SBF2: variants seen among roughly 807,000 people sequenced by gnomAD.
The protein encoded by SBF2 is myotubularin-related protein 13.
SBF2 carries 112 observed loss-of-function variants against 225.2 expected under a neutral mutation model. That is an observed-to-expected ratio of 0.50 (90% confidence interval 0.43 to 0.58). The LOEUF is 0.58. SBF2 is among the 20% of genes least tolerant of loss of function. SBF2 has a pLI of 0.00. For synonymous variants in SBF2, 763 were observed against 773.3 expected, an observed-to-expected ratio of 0.99 and a Z score of 0.22; for missense variants, 1,996 against 2,206.2, an observed-to-expected ratio of 0.90 and a Z score of 1.91.
At chr11:9,814,789 G>T (rs1253799995) in intron 29 of SBF2, among the ~76,000 whole-genome samples, 1 of 152,196 alleles carries the variant, frequency 6.6e-6, no homozygotes, top group African/African-American at 2.4e-5. Flanking sequence ...AGCTAGGTAT[G>T]CTTATCTTAT....
chr11:10,189,810 G>A (rs889052804), intron 2 of SBF2, among the ~76,000 whole-genome samples: 2 of 152,110 alleles, frequency 1.3e-5, no homozygotes, highest in Non-Finnish European at 2.9e-5. Context: ...CATATTTTCT[G>A]AATAATGATA....
chr11:10,177,982 T>C lies in SBF2; in HGVS notation c.141+15920A>G, dbSNP rs531867930. Among the ~76,000 whole-genome samples, 166 of 148,096 alleles carry C rather than the reference T, an allele frequency of 1.1e-3. 5 individuals carry two copies. In the South Asian group the frequency reaches 0.034, roughly 31 times the overall value. On this transcript the variant is annotated intron_variant, in intron 2 of 39. Transcript: ENST00000256190. ...AGTAACCAAAACAGCATGGTACTGG[T>C]ACCAAAACAGAGATATAGATCAATG... is the stretch of plus-strand genomic sequence containing the variant.
intron 2 of SBF2, among the ~76,000 whole-genome samples, chr11:10,162,895 C>G (rs1429037056): frequency 1.3e-5 from 2 of 152,146 alleles, no homozygotes; most frequent in African/African-American, 4.8e-5. Flanking sequence ...CTCAGACTGT[C>G]CCTTTCATCT....
chr11:9,932,104 G>C (rs1056792331), intron 16 of SBF2, among the ~76,000 whole-genome samples: 1 of 152,118 alleles, frequency 6.6e-6, no homozygotes, highest in Non-Finnish European at 1.5e-5. Context: ...AGCAACAAAC[G>C]AAGCCTCCAA....
intron 17 of SBF2, among the ~76,000 whole-genome samples, chr11:9,871,685 G>A (rs923446775): frequency 6.6e-6 from 1 of 151,932 alleles, no homozygotes; most frequent in Admixed American, 6.6e-5. Context: ...TTGAGACGGG[G>A]TTTCACCGTG....
intron 2 of SBF2, among the ~76,000 whole-genome samples, chr11:10,097,792 G>A (rs539900477): frequency 5.4e-4 from 82 of 152,246 alleles, no homozygotes; most frequent in Middle Eastern, 3.4e-3. Flanking sequence ...ACAGCCCAGT[G>A]CCAAGAGAGA....
chr11:9,871,702 A>G (rs1858768438), intron 17 of SBF2, among the ~76,000 whole-genome samples: 1 of 152,052 alleles, frequency 6.6e-6, no homozygotes, highest in East Asian at 1.9e-4. Context: ...CGTGTTAGCC[A>G]GGATTGTCTT....
At chr11:9,900,812 C>T (rs550044408) in intron 16 of SBF2, among the ~76,000 whole-genome samples, 1 of 152,306 alleles carries the variant, frequency 6.6e-6, no homozygotes, top group Admixed American at 6.5e-5. Context: ...TCATAGTTTA[C>T]TGCAGCCCTG....
At chr11:10,272,214 G>A (rs1962535387) in intron 1 of SBF2, 2 of 1,063,550 alleles carry the variant, frequency 1.9e-6, no homozygotes, top group Non-Finnish European at 2.6e-6. Flanking sequence ...AACTTGAGCT[G>A]CTCTACCAAG....
In SBF2 at chr11:9,780,094, G is replaced by A; in HGVS notation, c.*324C>T. 2.7e-6 allele frequency: 1 copy of A among 366,874 alleles called. No homozygotes were observed. The highest frequency in any genetic ancestry group is 3.7e-5 in the Admixed American group (1 of 27,292). The allele number at this position is 366,874 out of a possible 1,614,324, so 22.7% of individuals were successfully genotyped here. On this transcript the variant is annotated 3_prime_UTR_variant, in exon 40 of 40. Coordinates refer to ENST00000256190, the MANE Select transcript of SBF2 (RefSeq NM_030962.4). Reference sequence around the variant, plus strand: ...AAAAAGGATCTATAGCTTTCATGAAGAAGGACCCAAGTAGGTGGTAGCCAT... The same window carrying A: ...AAAAAGGATCTATAGCTTTCATGAAAAAGGACCCAAGTAGGTGGTAGCCAT...
chr11:10,155,529 T>C (rs958787073), intron 2 of SBF2, among the ~76,000 whole-genome samples: 1 of 152,222 alleles, frequency 6.6e-6, no homozygotes, highest in Non-Finnish European at 1.5e-5. Context: ...TTTATGTTTA[T>C]AGTCTAGAAC....
intron 2 of SBF2, among the ~76,000 whole-genome samples, chr11:10,186,173 GGA>G (rs2135304332): frequency 6.6e-6 from 1 of 152,270 alleles, no homozygotes; most frequent in East Asian, 1.9e-4. Flanking sequence ...CAGACAAGTG[GGA>G]GAGATATACA....
chr11:10,028,703 A>C, intron 5 of SBF2, 146 bp from the exon 6 acceptor site: 1 of 665,232 alleles, frequency 1.5e-6, no homozygotes, highest in South Asian at 1.7e-5. Flanking sequence ...GTATATCCCA[A>C]AACATTTAAG....
At chr11:9,849,933 A>G in intron 22 of SBF2, 90 bp downstream of exon 22, 4 of 1,264,932 alleles carry the variant, frequency 3.2e-6, no homozygotes, top group Non-Finnish European at 4.6e-6. Context: ...CTTTGGATTT[A>G]AAATGATCTG....
intron 14 of SBF2, among the ~76,000 whole-genome samples, chr11:9,964,983 T>C (rs1261989439): frequency 1.5e-4 from 23 of 152,252 alleles, no homozygotes; most frequent in Non-Finnish European, 1.5e-5. Context: ...ATGATGTATA[T>C]TGTAGCCATT....
intron 16 of SBF2, among the ~76,000 whole-genome samples, chr11:9,935,945 A>C (rs923442401): frequency 1.3e-5 from 2 of 152,206 alleles, no homozygotes; most frequent in Non-Finnish European, 2.9e-5. Context: ...ACAAAACCAA[A>C]ATAGACAAAT....
intron 1 of SBF2, among the ~76,000 whole-genome samples, chr11:10,291,772 T>C (rs1369412022): frequency 3.9e-5 from 6 of 152,020 alleles, no homozygotes; most frequent in Non-Finnish European, 7.3e-5. Context: ...TCAAAGTACA[T>C]GGCAAAAACA....
chr11:10,032,920 T>C (rs185785161), intron 3 of SBF2, among the ~76,000 whole-genome samples: 4 of 152,322 alleles, frequency 2.6e-5, no homozygotes, highest in African/African-American at 9.6e-5. Flanking sequence ...ATAATTATAT[T>C]TTCTACTTCC....
intron 2 of SBF2, among the ~76,000 whole-genome samples, chr11:10,068,631 C>T (rs1251067751): frequency 6.6e-6 from 1 of 152,054 alleles, no homozygotes; most frequent in Non-Finnish European, 1.5e-5. Flanking sequence ...CTATTTTATG[C>T]ACCTAAAATG....
Sources: allele counts gnomAD v4.1 joint callset (sites outside exome capture counted in the v4.1 genomes callset), GRCh38; gene constraint gnomAD v4.1.1; transcripts MANE v1.5; gene names NCBI Gene and HGNC (gene_info 2026-07-23, HGNC 2026-07-21).